Variants in PARVB observed in about 807,000 individuals in gnomAD.
PARVB encodes beta-parvin.
A neutral mutation model predicts 47.0 loss-of-function variants in PARVB; 46 were observed. That is an observed-to-expected ratio of 0.98 (90% confidence interval 0.77 to 1.25). The LOEUF (loss-of-function observed/expected upper bound fraction) is 1.25. PARVB is among the 50% of genes most tolerant of loss of function. PARVB has a pLI of 0.00. For synonymous variants in PARVB, 196 were observed against 196.3 expected (o/e 1.00, Z 0.01); for missense variants, 473 against 471.6 (o/e 1.00, Z -0.03).
intron 1 of PARVB, among the ~76,000 whole-genome samples, 171 bp downstream of exon 1, chr22:44,024,622 A>C (rs111826791): frequency 0.32 from 48,021 of 151,676 alleles, 8,044 homozygotes; most frequent in African/African-American, 0.43. Flanking sequence ...CCCGTAAACA[A>C]CGGCCGGGAC....
intron 1 of PARVB, among the ~76,000 whole-genome samples, chr22:44,028,619 G>T (rs2050772703): frequency 6.6e-6 from 1 of 152,220 alleles, no homozygotes; most frequent in Non-Finnish European, 1.5e-5. Context: ...ACATCTACGT[G>T]TAGGTTTTTG....
rs753713842 is a variant in PARVB at position 44,009,830 on chromosome 22, CGGA to C, written c.211+10159_211+10161del. Among the ~76,000 whole-genome samples the C allele has an allele frequency of 9.9e-3, 1,278 of 128,744 alleles. 21 individuals carry two copies. Among genetic ancestry groups the C allele is most frequent in the African/African-American group, 0.036 (1,219 of 33,860 alleles). 84.5% of individuals were successfully genotyped at this position (128,744 alleles called of 152,430 possible). On this transcript the variant is annotated intron_variant, in intron 2 of 13. Transcript: ENST00000406477. ...AATCTTTTTTTTTTTTTTTTTGAGA[CGGA>C]GTTTTTCTCTGTCACTGAGGCTGGA... is the stretch of plus-strand genomic sequence containing the variant.
At chr22:44,157,925 C>A in intron 10 of PARVB, 57 bp from the exon 11 acceptor site, 1 of 1,278,058 alleles carries the variant, frequency 7.8e-7, no homozygotes, top group Non-Finnish European at 1.1e-6. Flanking sequence ...TAAGTTTGTG[C>A]AAAGCATTTG....
rs1478442495 is a variant in PARVB at position 44,168,664 on chromosome 22, A to G, written c.1081A>G (p.Lys361Glu). ...RVLYNLFTKY[K>E]NVE ...TCTTTACAACCTGTTCACCAAGTACAAGAACGTGGAGTGACGGGGGAGCTG... is the reference window on the plus strand; with the variant it reads ...TCTTTACAACCTGTTCACCAAGTACGAGAACGTGGAGTGACGGGGGAGCTG... The change falls in exon 13 of 13, where the codon AAG becomes GAG. Residue 361 changes from lysine to glutamate, a missense_variant. By Grantham distance (56) the Lys-to-Glu change is moderately conservative. Coordinates refer to ENST00000338758, the MANE Select transcript of PARVB (RefSeq NM_013327.5). The G allele has an allele frequency of 6.2e-7, 1 of 1,610,996 alleles. No individual in the cohort carries two copies. Among genetic ancestry groups the G allele is most frequent in the South Asian group, 1.1e-5 (1 of 91,020 alleles).
chr22:44,016,733 G>A (rs1245159742), intron 2 of PARVB, among the ~76,000 whole-genome samples: 1 of 152,140 alleles, frequency 6.6e-6, no homozygotes, highest in East Asian at 1.9e-4. Context: ...TATGTGCCTG[G>A]TGCTTCAACT....
chr22:44,109,319 G>A (rs1400272795), intron 3 of PARVB: 2 of 152,286 alleles, frequency 1.3e-5, no homozygotes, highest in Admixed American at 1.3e-4. Context: ...TAATTCAGAA[G>A]GATCTAAAGA....
intron 1 of PARVB, among the ~76,000 whole-genome samples, chr22:44,038,411 T>C (rs1294425084): frequency 6.6e-6 from 1 of 152,210 alleles, no homozygotes; most frequent in Non-Finnish European, 1.5e-5. Flanking sequence ...CCTCAGTTTC[T>C]TCTTCTGTAA....
At chr22:44,067,005 G>C (rs1275471272) in intron 1 of PARVB, among the ~76,000 whole-genome samples, 3 of 152,182 alleles carry the variant, frequency 2.0e-5, no homozygotes, top group African/African-American at 7.2e-5. Flanking sequence ...ATGTGCCATT[G>C]TATCTGGCTA....
At chr22:44,057,218 A>G (rs2051331869) in intron 1 of PARVB, among the ~76,000 whole-genome samples, 1 of 152,122 alleles carries the variant, frequency 6.6e-6, no homozygotes. Flanking sequence ...ATCATTAGCT[A>G]AGTAAATTAT....
chr22:44,008,419 G>C (rs2050489030), intron 2 of PARVB, among the ~76,000 whole-genome samples: 1 of 152,066 alleles, frequency 6.6e-6, no homozygotes, highest in Non-Finnish European at 1.5e-5. Context: ...CTAGAGACAG[G>C]ATTTTATGAT....
chr22:44,134,503 G>A (rs1302009255), intron 6 of PARVB, among the ~76,000 whole-genome samples: 1 of 152,226 alleles, frequency 6.6e-6, no homozygotes, highest in Non-Finnish European at 1.5e-5. Context: ...GCGGTTTGCA[G>A]AAAGTTTGAA....
At chr22:44,032,620 G>A (rs925806889) in intron 1 of PARVB, among the ~76,000 whole-genome samples, 8 of 152,162 alleles carry the variant, frequency 5.3e-5, no homozygotes, top group Non-Finnish European at 1.0e-4. Context: ...TGTGGTGTAA[G>A]GAAGGAAAGC....
At chr22:44,119,293 T>C (rs1157970571) in intron 4 of PARVB, among the ~76,000 whole-genome samples, 153 bp downstream of exon 4, 2 of 152,162 alleles carry the variant, frequency 1.3e-5, no homozygotes, top group Non-Finnish European at 1.5e-5. Context: ...GCCCAGGCCC[T>C]GGGCTGTGGC....
intron 4 of PARVB, among the ~76,000 whole-genome samples, chr22:44,122,858 C>T (rs2053100966): frequency 6.6e-6 from 1 of 152,222 alleles, no homozygotes; most frequent in African/African-American, 2.4e-5. Flanking sequence ...CTGCATTGTA[C>T]TCCACTGTGT....
At chr22:44,157,383 G>A (rs1467764061) in intron 10 of PARVB, among the ~76,000 whole-genome samples, 1 of 152,194 alleles carries the variant, frequency 6.6e-6, no homozygotes, top group African/African-American at 2.4e-5. Flanking sequence ...CAGTTCCAGA[G>A]GCACGGTCCT....
intron 1 of PARVB, among the ~76,000 whole-genome samples, chr22:44,080,153 C>T (rs1393381033): frequency 6.6e-6 from 1 of 152,190 alleles, no homozygotes; most frequent in Non-Finnish European, 1.5e-5. Flanking sequence ...GAGCAGGGCT[C>T]AGTAAAACTG....
chr22:44,028,784 C>G (rs1367669222), intron 1 of PARVB, among the ~76,000 whole-genome samples: 1 of 152,188 alleles, frequency 6.6e-6, no homozygotes, highest in East Asian at 1.9e-4. Context: ...GCTCTGCATC[C>G]TCACCAGTAT....
chr22:44,007,939 G>A (rs2050482850), intron 2 of PARVB, among the ~76,000 whole-genome samples: 1 of 152,118 alleles, frequency 6.6e-6, no homozygotes, highest in Non-Finnish European at 1.5e-5. Context: ...TTTTGTGACT[G>A]GCATATCACA....
At chr22:44,014,359 T>A (rs2050555338) in intron 2 of PARVB, among the ~76,000 whole-genome samples, 1 of 152,186 alleles carries the variant, frequency 6.6e-6, no homozygotes, top group Non-Finnish European at 1.5e-5. Context: ...ACTGGCCTCT[T>A]CAGAAGCCAC....
Sources: allele counts gnomAD v4.1 joint callset (sites outside exome capture counted in the v4.1 genomes callset), GRCh38; gene constraint gnomAD v4.1.1; transcripts MANE v1.5; gene names NCBI Gene and HGNC (gene_info 2026-07-23, HGNC 2026-07-21).